The following ADH5 variants were observed in gnomAD, a reference collection of about 807,000 sequenced individuals.
ADH5 encodes the protein alcohol dehydrogenase class-3.
ADH5 carries 32 observed loss-of-function variants against 40.3 expected under a neutral mutation model. That is an observed-to-expected ratio of 0.79 (90% CI 0.60 to 1.07). The LOEUF (loss-of-function observed/expected upper bound fraction) is 1.07. ADH5 is among the 50% of genes least tolerant of loss of function. The pLI is 0.00. For missense variants in ADH5, 353 were observed against 460.5 expected (o/e 0.77, Z 2.14); for synonymous variants, 125 against 154.3 (o/e 0.81, Z 1.41).
At chr4:99,084,422 A>G (rs1728089355) in intron 2 of ADH5, among the ~76,000 whole-genome samples, 1 of 152,244 alleles carries the variant, frequency 6.6e-6, no homozygotes, top group Non-Finnish European at 1.5e-5. Context: ...CAGTCTCACC[A>G]GTGCCACGAG....
Position 99,072,650 on chromosome 4 carries a change from T to C in ADH5, c.1023A>G (p.Lys341=). The C allele has an allele frequency of 6.2e-7, 1 of 1,613,644 alleles. No individual in the cohort carries two copies. Among genetic ancestry groups the C allele is most frequent in the Non-Finnish European group, 8.5e-7 (1 of 1,179,680 alleles). The part of the protein sequence containing the change: ...LVSEYMSKKI[K]VDEFVTHNLS... ...GATTGTGAGTCACAAATTCATCAAC[T>C]TTTATCTTTTTGGACATATATTCAG... The change falls in exon 8 of 9, where the codon AAA becomes AAG. Residue 341 remains lysine, a synonymous_variant. Transcript: ENST00000296412.
chr4:99,072,755 T>C, intron 7 of ADH5, 44 bp from the exon 8 acceptor site: 1 of 1,561,422 alleles, frequency 6.4e-7, no homozygotes, highest in South Asian at 1.2e-5. Flanking sequence ...ATTTCTGCAG[T>C]ATGCTTGTTA....
intron 2 of ADH5, among the ~76,000 whole-genome samples, chr4:99,082,483 C>T (rs1434753937): frequency 6.6e-6 from 1 of 152,162 alleles, no homozygotes; most frequent in African/African-American, 2.4e-5. Flanking sequence ...TGGAATCCAA[C>T]TCACTTCTAG....
At chr4:99,075,790 G>GT (rs1353259351) in intron 6 of ADH5, 2 of 153,664 alleles carry the variant, frequency 1.3e-5, no homozygotes, top group African/African-American at 4.8e-5. Flanking sequence ...TATTTGCATC[G>GT]TATTTATTAG....
At chr4:99,075,492 C>G (rs1331228554) in intron 6 of ADH5, 1 of 152,548 alleles carries the variant, frequency 6.6e-6, no homozygotes. Context: ...CAGGTGTGAG[C>G]CACCATGCCC....
At chr4:99,079,484 A>G (rs1382716640) in intron 4 of ADH5, among the ~76,000 whole-genome samples, 1 of 152,162 alleles carries the variant, frequency 6.6e-6, no homozygotes, top group Non-Finnish European at 1.5e-5. Flanking sequence ...TCTGACTTGG[A>G]AGGGACATGA....
At position 99,072,587 on chromosome 4, in the gene ADH5, C is replaced by G. The variant is rs1398968716; in HGVS notation, c.1086G>C (p.Met362Ile). ...FDEINKAFEL[M>I]HSGKSIRTVV... Reference sequence around the variant, plus strand: ...AGAAAGCCTACCTCTTTCCAGAATGCATCAGTTCAAAGGCTTTGTTGATTT... The same window carrying G: ...AGAAAGCCTACCTCTTTCCAGAATGGATCAGTTCAAAGGCTTTGTTGATTT... The change falls in exon 8 of 9, where the codon ATG (methionine) becomes ATC (isoleucine). Residue 362 changes from methionine to isoleucine, a missense_variant. Physicochemically the swap from Met to Ile is conservative, Grantham distance 10. Transcript: ENST00000296412. The G allele has an allele frequency of 2.5e-6, 4 of 1,612,074 alleles. No homozygotes were observed. The highest frequency in any genetic ancestry group is 2.5e-6 in the Non-Finnish European group (3 of 1,179,362).
intron 4 of ADH5, among the ~76,000 whole-genome samples, chr4:99,078,577 T>C (rs1421041746): frequency 1.3e-5 from 2 of 152,142 alleles, no homozygotes; most frequent in Admixed American, 6.5e-5. Flanking sequence ...ATTTTTTAAA[T>C]TTTTTATAGA....
At chr4:99,088,621 T>G in intron 1 of ADH5, 68 bp downstream of exon 1, 1 of 1,464,740 alleles carries the variant, frequency 6.8e-7, no homozygotes, top group Non-Finnish European at 9.2e-7. Flanking sequence ...CCCCCGAGGA[T>G]AGCAGCCTAG....
In ADH5 at chr4:99,088,728, G is replaced by C; in HGVS notation, c.-28C>G. The C allele has an allele frequency of 1.3e-6, 2 of 1,595,918 alleles. No homozygotes were observed. Among genetic ancestry groups the C allele is most frequent in the Non-Finnish European group, 1.7e-6 (2 of 1,169,784 alleles). On this transcript the variant is annotated 5_prime_UTR_variant, in exon 1 of 9. Coordinates refer to ENST00000296412, the MANE Select transcript of ADH5 (RefSeq NM_000671.4). Reference sequence around the variant, plus strand: ...TCACGGATTCTGGTCGGCGCGGGGGGCTGACATCCGGGGTGGGCCGCGCAG... The same window carrying C: ...TCACGGATTCTGGTCGGCGCGGGGGCCTGACATCCGGGGTGGGCCGCGCAG...
In ADH5 at chr4:99,081,433, A is replaced by C. The variant is rs1728022720; in HGVS notation, c.276T>G (p.Leu92=). The C allele has an allele frequency of 6.2e-7, 1 of 1,609,300 alleles. No homozygotes were observed. Among genetic ancestry groups the C allele is most frequent in the Admixed American group, 1.7e-5 (1 of 59,560 alleles). The stretch of plus-strand genomic sequence containing the variant: ...TGCATTCTCCACACTGTGGGATGTA[A>C]AGTGGGATGACAGTGTCACCTGGAA... ...KLKAGDTVIP[L]YIPQCGECKF... Residue 92 remains leucine (L), a synonymous_variant, in exon 4 of 9, where the codon CTT becomes CTG. Coordinates refer to ENST00000296412, the MANE Select transcript of ADH5 (RefSeq NM_000671.4).
intron 6 of ADH5, 25 bp downstream of exon 6, chr4:99,076,267 A>G: frequency 6.2e-7 from 1 of 1,603,310 alleles, no homozygotes; most frequent in Non-Finnish European, 8.5e-7. Flanking sequence ...TCCATAAACT[A>G]AAAAGGAATG....
At chr4:99,088,346 C>G (rs1728189907) in intron 1 of ADH5, among the ~76,000 whole-genome samples, 1 of 152,186 alleles carries the variant, frequency 6.6e-6, no homozygotes, top group South Asian at 2.1e-4. Flanking sequence ...GAGCGAGTTA[C>G]TTAATTTCGT....
At chr4:99,088,311 G>C (rs1475416916) in intron 1 of ADH5, among the ~76,000 whole-genome samples, 3 of 152,172 alleles carry the variant, frequency 2.0e-5, no homozygotes, top group African/African-American at 7.2e-5. Context: ...GCTCTGCCAA[G>C]TATGCAAGCT....
chr4:99,075,755 A>G (rs1414914035), intron 6 of ADH5: 1 of 153,292 alleles, frequency 6.5e-6, no homozygotes, highest in East Asian at 1.9e-4. Flanking sequence ...AGTGTTTTGA[A>G]TTTTGGGTTT....
intron 2 of ADH5, among the ~76,000 whole-genome samples, chr4:99,083,229 G>A (rs1247866927): frequency 6.6e-6 from 1 of 152,074 alleles, no homozygotes; most frequent in Non-Finnish European, 1.5e-5. Flanking sequence ...ATCACAGTCA[G>A]CTTAATTTCT....
Position 99,072,290 on chromosome 4 carries a change from A to T in ADH5, c.*127T>A. The T allele has an allele frequency of 1.3e-6, 1 of 785,904 alleles. No homozygotes were observed. The highest frequency in any genetic ancestry group is 2.0e-6 in the Non-Finnish European group (1 of 491,936). 48.7% of individuals were successfully genotyped at this position (785,904 alleles called of 1,614,324 possible). On this transcript the variant is annotated 3_prime_UTR_variant, in exon 9 of 9. Transcript: ENST00000296412. ...GATTATAGAGATTCATGAATGACAC[A>T]CATAACCCTATTTTCTGGAGTAGCT...
At chr4:99,076,580 C>T (rs1209224200) in intron 5 of ADH5, 28 bp from the exon 6 acceptor site, 13 of 1,604,144 alleles carry the variant, frequency 8.1e-6, no homozygotes, top group African/African-American at 5.4e-5. Context: ...TTATAAAGTA[C>T]TCATTCTACC....
At chr4:99,084,370 G>C (rs971066545) in intron 2 of ADH5, among the ~76,000 whole-genome samples, 1 of 152,136 alleles carries the variant, frequency 6.6e-6, no homozygotes, top group African/African-American at 2.4e-5. Flanking sequence ...CATCTTCAAG[G>C]CTCATTATAG....
Sources: gnomAD v4.1 joint callset for allele counts (sites outside exome capture counted in the v4.1 genomes callset) on GRCh38, gnomAD v4.1.1 for gene constraint, MANE v1.5 for transcripts, NCBI Gene and HGNC (gene_info 2026-07-23, HGNC 2026-07-21) for gene names.